Variants in TRPM3 observed in about 807,000 individuals in gnomAD.
TRPM3 encodes transient receptor potential cation channel subfamily M member 3, also known as long transient receptor potential channel 3.
A neutral mutation model predicts 181.2 loss-of-function variants in TRPM3; 77 were observed. The ratio of observed to expected loss-of-function variants is 0.42; its 90% confidence interval spans 0.35 to 0.51. The LOEUF is 0.51. Ranked by LOEUF, TRPM3 falls within the 20% of genes least tolerant of loss-of-function variation. The pLI is 0.01. For missense variants in TRPM3, 1,759 were observed against 2,196.7 expected, an observed-to-expected ratio of 0.80 and a Z score of 3.98; for synonymous variants, 745 against 796.4, an observed-to-expected ratio of 0.94 and a Z score of 1.09.
At chr9:71,371,529 G>C (rs536912459) in intron 1 of TRPM3, among the ~76,000 whole-genome samples, 2 of 152,198 alleles carry the variant, frequency 1.3e-5, no homozygotes, top group Admixed American at 6.5e-5. Flanking sequence ...TTGATGATGT[G>C]ACTGAATTGC....
At chr9:71,196,293 G>A (rs1191096617) in intron 1 of TRPM3, among the ~76,000 whole-genome samples, 1 of 50,244 alleles carries the variant, frequency 2.0e-5, no homozygotes, top group Non-Finnish European at 4.9e-5. Context: ...ATTTCTGATA[G>A]TATTGAAGTT....
intron 1 of TRPM3, among the ~76,000 whole-genome samples, chr9:71,118,519 T>C (rs138722205): frequency 1.2e-3 from 183 of 152,196 alleles, no homozygotes; most frequent in African/African-American, 4.1e-3. Context: ...AGGAAAAGGA[T>C]AGAAAGGGAA....
chr9:70,809,585 C>T (rs759912658), intron 6 of TRPM3, among the ~76,000 whole-genome samples: 9 of 152,176 alleles, frequency 5.9e-5, no homozygotes, highest in Non-Finnish European at 1.2e-4. Context: ...AAGCAATAGG[C>T]TATACTATAT....
At chr9:71,215,064 A>C (rs1243666024) in intron 1 of TRPM3, among the ~76,000 whole-genome samples, 14 of 148,406 alleles carry the variant, frequency 9.4e-5, no homozygotes, top group African/African-American at 3.5e-4. Context: ...AAAAAAAAAC[A>C]ACAACCCAAA....
intron 1 of TRPM3, among the ~76,000 whole-genome samples, chr9:70,929,443 C>T (rs758703233): frequency 5.9e-5 from 9 of 152,176 alleles, no homozygotes; most frequent in Non-Finnish European, 8.8e-5. Context: ...CTCAAGTGAT[C>T]TGCCCACCTC....
At chr9:71,352,107 C>G (rs532924257) in intron 1 of TRPM3, among the ~76,000 whole-genome samples, 1 of 152,034 alleles carries the variant, frequency 6.6e-6, no homozygotes, top group South Asian at 2.1e-4. Context: ...GATCTCCTGA[C>G]TTCGTGATCC....
chr9:71,115,441 C>G (rs560930054), intron 1 of TRPM3, among the ~76,000 whole-genome samples: 1 of 152,062 alleles, frequency 6.6e-6, no homozygotes, highest in Admixed American at 6.6e-5. Flanking sequence ...TTGTTGAATA[C>G]GTTTTGTTGG....
At chr9:70,768,785 C>T (rs996786561) in intron 7 of TRPM3, among the ~76,000 whole-genome samples, 1 of 151,948 alleles carries the variant, frequency 6.6e-6, no homozygotes, top group Non-Finnish European at 1.5e-5. Context: ...ACTTTATTCC[C>T]CCTTTGAATT....
At chr9:70,607,544 C>G (rs570012049) in intron 19 of TRPM3, among the ~76,000 whole-genome samples, 4 of 152,136 alleles carry the variant, frequency 2.6e-5, no homozygotes, top group African/African-American at 9.7e-5. Flanking sequence ...CACCACCCCC[C>G]GCCAAAGAGG....
intron 1 of TRPM3, among the ~76,000 whole-genome samples, chr9:71,281,019 G>A (rs1221678273): frequency 1.3e-5 from 2 of 152,172 alleles, no homozygotes; most frequent in African/African-American, 4.8e-5. Flanking sequence ...AAGACCACAT[G>A]TGTCTTGTTC....
At position 70,938,914 on chromosome 9, in the gene TRPM3, C is replaced by T. The variant is rs377477561; in HGVS notation, c.178-74403G>A. 3.3e-3 allele frequency among the ~76,000 whole-genome samples: 495 copies of T among 150,784 alleles called. 6 individuals are homozygous for T. Among genetic ancestry groups the T allele is most frequent in the African/African-American group, 0.011 (455 of 40,938 alleles). ...CAGAGCTTGCAGTGAGCCAAGATCG[C>T]GCCACTGCACTCCAGCCTGGGGGAC... On this transcript the variant is annotated intron_variant, in intron 1 of 25. Coordinates refer to ENST00000677713, the MANE Select transcript of TRPM3 (RefSeq NM_001366145.2).
chr9:70,911,826 A>G (rs928173535), intron 1 of TRPM3, among the ~76,000 whole-genome samples: 1 of 152,192 alleles, frequency 6.6e-6, no homozygotes, highest in African/African-American at 2.4e-5. Context: ...CTGCATTACA[A>G]CAGCATCCTT....
At chr9:71,297,577 A>T (rs905591027) in intron 1 of TRPM3, among the ~76,000 whole-genome samples, 2 of 152,164 alleles carry the variant, frequency 1.3e-5, no homozygotes, top group African/African-American at 4.8e-5. Flanking sequence ...TTAAAAAACC[A>T]TCAGATCTCA....
intron 20 of TRPM3, among the ~76,000 whole-genome samples, chr9:70,601,434 T>A (rs2059926076): frequency 6.6e-6 from 1 of 152,106 alleles, no homozygotes; most frequent in Non-Finnish European, 1.5e-5. Flanking sequence ...GGATCTTGCG[T>A]CTGAGCCCTG....
At chr9:71,375,770 G>A (rs1273428494) in intron 1 of TRPM3, among the ~76,000 whole-genome samples, 1 of 152,060 alleles carries the variant, frequency 6.6e-6, no homozygotes, top group East Asian at 1.9e-4. Flanking sequence ...TCAACATTGA[G>A]GCAAGACCCT....
intron 1 of TRPM3, among the ~76,000 whole-genome samples, chr9:71,361,801 C>T (rs1423153033): frequency 1.3e-5 from 2 of 152,082 alleles, no homozygotes; most frequent in African/African-American, 4.8e-5. Flanking sequence ...CACCAAAAAG[C>T]TGAAACAATT....
chr9:70,790,263 T>A (rs924582231), intron 6 of TRPM3, among the ~76,000 whole-genome samples: 1 of 152,198 alleles, frequency 6.6e-6, no homozygotes, highest in Non-Finnish European at 1.5e-5. Flanking sequence ...GATCATTCTC[T>A]ACCTACATCT....
intron 6 of TRPM3, among the ~76,000 whole-genome samples, chr9:70,788,604 T>C (rs1024205010): frequency 6.6e-6 from 1 of 152,124 alleles, no homozygotes; most frequent in Non-Finnish European, 1.5e-5. Context: ...TTGGGATGGT[T>C]CAAGTGCATT....
intron 22 of TRPM3, among the ~76,000 whole-genome samples, chr9:70,575,480 A>G (rs984248493): frequency 5.9e-5 from 9 of 152,124 alleles, no homozygotes; most frequent in Non-Finnish European, 8.8e-5. Context: ...AATTTGGCAC[A>G]TGACACATCA....
Sources: allele counts gnomAD v4.1 joint callset (sites outside exome capture counted in the v4.1 genomes callset), GRCh38; gene constraint gnomAD v4.1.1; transcripts MANE v1.5; gene names NCBI Gene and HGNC (gene_info 2026-07-23, HGNC 2026-07-21).